The following ZNF568 variants were observed in gnomAD, a reference collection of about 807,000 sequenced individuals.
The protein encoded by ZNF568 is p53 inhibitor of SCO2 activation.
Under a neutral mutation model 18.1 loss-of-function variants are expected in ZNF568, and 11 were observed. That is an observed-to-expected ratio of 0.61 (90% CI 0.38 to 1.00). ZNF568 has a LOEUF of 1.00. Ranked by LOEUF, ZNF568 falls within the 50% of genes least tolerant of loss-of-function variation. ZNF568 has a pLI of 0.01. For missense variants in ZNF568, 639 were observed against 768.2 expected (o/e 0.83, Z 1.99); for synonymous variants, 213 against 246.6 (o/e 0.86, Z 1.28).
chr19:36,926,854 C>T (rs553746292), intron 4 of ZNF568, among the ~76,000 whole-genome samples: 1 of 148,558 alleles, frequency 6.7e-6, no homozygotes, highest in African/African-American at 2.5e-5. Context: ...GTTAAGCTTA[C>T]ATAACATCGT....
chr19:36,970,723 A>G (rs1481554294), intron 6 of ZNF568, among the ~76,000 whole-genome samples: 1 of 152,202 alleles, frequency 6.6e-6, no homozygotes, highest in Non-Finnish European at 1.5e-5. Context: ...AATAATCATT[A>G]TTAGTTCAAA....
intron 7 of ZNF568, among the ~76,000 whole-genome samples, chr19:36,974,826 A>ATTTT (rs3053253): frequency 0.16 from 21,241 of 132,020 alleles, 1,840 homozygotes; most frequent in South Asian, 0.19. Context: ...TTGCTTACCA[A>ATTTT]TTTTTTTTTT....
intron 2 of ZNF568, among the ~76,000 whole-genome samples, chr19:36,990,228 G>T (rs1279212380): frequency 6.6e-6 from 1 of 152,192 alleles, no homozygotes; most frequent in Non-Finnish European, 1.5e-5. Context: ...TGTGAGTCTG[G>T]ATCTTTCTCC....
chr19:36,947,293 T>C (rs826295), intron 6 of ZNF568, among the ~76,000 whole-genome samples: 87,316 of 151,916 alleles, frequency 0.57, 26,268 homozygotes, highest in African/African-American at 0.74. Flanking sequence ...GGATTACAGG[T>C]GTAAGCCACC....
intron 4 of ZNF568, among the ~76,000 whole-genome samples, chr19:36,930,019 T>A (rs1259495566): frequency 6.6e-6 from 1 of 151,854 alleles, no homozygotes; most frequent in Non-Finnish European, 1.5e-5. Flanking sequence ...AATTTATGTT[T>A]TTTAAGGTTC....
Position 36,925,252 on chromosome 19 carries a change from G to T in ZNF568, c.129G>T (p.Arg43Ser), listed in dbSNP as rs867481171. 5 of 1,613,860 alleles carry T rather than the reference G, an allele frequency of 3.1e-6. No homozygotes were observed. In the African/African-American group the frequency reaches 5.3e-5, roughly 17 times the overall value. ...CCGAGGAAGAAGAGGATACAACCAG[G>T]CCTCTTGTACGTCTTAAGCATTTAT... ...ALSEEEEDTT[R>S]PLETVTFKDV... is the part of the protein sequence containing the mutation. The change falls in exon 4 of 7, where the codon AGG (arginine) becomes AGT (serine). Residue 43 changes from arginine to serine, a missense_variant. Transcript: ENST00000333987.
At chr19:36,962,277 G>GTTATTTTTTTTTTTTTT (rs1555736279) in intron 6 of ZNF568, among the ~76,000 whole-genome samples, 2 of 45,288 alleles carry the variant, frequency 4.4e-5, no homozygotes, top group African/African-American at 8.4e-5. Flanking sequence ...GTGTTGCAGT[G>GTTATTTTTTTTTTTTTT]TTTTTTTTTT....
intron 6 of ZNF568, among the ~76,000 whole-genome samples, chr19:36,942,184 G>A (rs1193344583): frequency 6.6e-6 from 1 of 151,666 alleles, no homozygotes; most frequent in African/African-American, 2.4e-5. Flanking sequence ...GTTTCACCAT[G>A]TTAGTCAGGC....
At position 36,990,504 on chromosome 19, in the gene ZNF568, A is replaced by G. The variant is rs568242890; in HGVS notation, c.10-672A>G. Among the ~76,000 whole-genome samples, 9 of 152,304 alleles carry G rather than the reference A, an allele frequency of 5.9e-5. No individual in the cohort carries two copies. The South Asian group carries it at 1.9e-3, about 32-fold the overall frequency. On this transcript the variant is annotated intron_variant, in intron 2 of 4. Coordinates refer to the ZNF568 transcript ENST00000433993. ...GTGGCCCATGCCTGTGGTCCCAGCTACTCAGGAGGGTGAGGCAGGAGAATC... is the reference window on the plus strand; with the variant it reads ...GTGGCCCATGCCTGTGGTCCCAGCTGCTCAGGAGGGTGAGGCAGGAGAATC...
chr19:36,987,329 C>G (rs534660805), intron 2 of ZNF568, among the ~76,000 whole-genome samples: 30 of 152,256 alleles, frequency 2.0e-4, no homozygotes, highest in Non-Finnish European at 3.2e-4. Flanking sequence ...CTGCTGAGAG[C>G]CTGCTGATCC....
chr19:36,925,516 G>A lies in ZNF568; in HGVS notation c.135+258G>A, dbSNP rs190815333. ...AAACTGGGACACTTAAGTTTATTCC[G>A]TAAGTCCATAAGTTGCACCATTTAT... On this transcript the variant is annotated intron_variant, in intron 4 of 6. Transcript: ENST00000333987. 9.9e-5 allele frequency among the ~76,000 whole-genome samples: 15 copies of A among 152,056 alleles called. 1 individual carries two copies. Among genetic ancestry groups the A allele is most frequent in the East Asian group, 1.9e-4 (1 of 5,172 alleles).
At chr19:36,929,456 C>A (rs1038930168) in intron 4 of ZNF568, among the ~76,000 whole-genome samples, 1 of 151,992 alleles carries the variant, frequency 6.6e-6, no homozygotes, top group Non-Finnish European at 1.5e-5. Context: ...GAGGCTGAGG[C>A]GGGTGAATCA....
chr19:36,938,582 A>T (rs2073828169), intron 6 of ZNF568, among the ~76,000 whole-genome samples: 1 of 152,180 alleles, frequency 6.6e-6, no homozygotes, highest in Non-Finnish European at 1.5e-5. Context: ...AGAGTCCCTG[A>T]GGTTTTGCAT....
chr19:36,987,230 C>T (rs1475693626), intron 2 of ZNF568, among the ~76,000 whole-genome samples: 1 of 152,072 alleles, frequency 6.6e-6, no homozygotes, highest in African/African-American at 2.4e-5. Context: ...TGGGTAATCT[C>T]GGTTTGGAAC....
intron 4 of ZNF568, among the ~76,000 whole-genome samples, chr19:36,935,021 C>G (rs2073764880): frequency 6.6e-6 from 1 of 151,518 alleles, no homozygotes; most frequent in Non-Finnish European, 1.5e-5. Flanking sequence ...AATTATAGTT[C>G]ACTATAGCCT....
chr19:36,918,849 A>C (rs577184359), intron 2 of ZNF568, among the ~76,000 whole-genome samples: 1 of 152,228 alleles, frequency 6.6e-6, no homozygotes, highest in South Asian at 2.1e-4. Flanking sequence ...TCTGAATTTG[A>C]CTATTCTAAA....
intron 4 of ZNF568, chr19:36,996,230 T>A (rs2074469983): frequency 1.9e-6 from 2 of 1,075,140 alleles, no homozygotes; most frequent in Non-Finnish European, 2.6e-6. Context: ...TTATTAACTA[T>A]TTTTATTTTG....
intron 2 of ZNF568, among the ~76,000 whole-genome samples, chr19:36,917,992 A>G (rs1381021916): frequency 6.6e-6 from 1 of 152,226 alleles, no homozygotes; most frequent in East Asian, 1.9e-4. Context: ...TCTGTCACCC[A>G]GGCTGGAGTG....
intron 6 of ZNF568, among the ~76,000 whole-genome samples, chr19:36,967,124 AACTC>A (rs752681889): frequency 6.6e-6 from 1 of 152,174 alleles, no homozygotes; most frequent in Non-Finnish European, 1.5e-5. Flanking sequence ...TGAGGTTTGA[AACTC>A]ACCCTTGGGA....
Sources: gnomAD v4.1 joint callset for allele counts (sites outside exome capture counted in the v4.1 genomes callset) on GRCh38, gnomAD v4.1.1 for gene constraint, MANE v1.5 for transcripts, NCBI Gene and HGNC (gene_info 2026-07-23, HGNC 2026-07-21) for gene names.